DERA: variants seen among roughly 807,000 people sequenced by gnomAD.
DERA encodes the protein 2-deoxy-D-ribose 5-phosphate aldolase.
DERA carries 15 observed loss-of-function variants against 41.1 expected under a neutral mutation model. That is an observed-to-expected ratio of 0.37 (90% CI 0.24 to 0.56). The LOEUF is 0.56. Among genes scored for constraint, DERA ranks in the 20% least tolerant of loss-of-function variants. The pLI is 0.81. For missense variants in DERA, 396 were observed against 403.4 expected (o/e 0.98, Z 0.16); for synonymous variants, 139 against 137.4 (o/e 1.01, Z -0.08).
At chr12:15,920,706 G>A (rs1393805320) in intron 1 of DERA, among the ~76,000 whole-genome samples, 3 of 152,198 alleles carry the variant, frequency 2.0e-5, no homozygotes, top group Admixed American at 6.5e-5. Context: ...GGTGGCACAT[G>A]CCTGTAACAG....
In DERA at chr12:15,962,853, A is replaced by T; in HGVS notation, c.414A>T (p.Thr138=). 6.4e-7 allele frequency: 1 copy of T among 1,563,288 alleles called. No individual in the cohort carries two copies. Residue 138 remains threonine (T), a synonymous_variant, in exon 5 of 9, where the codon ACA becomes ACT. Coordinates refer to ENST00000428559, the MANE Select transcript of DERA (RefSeq NM_015954.4). ...CAGCTGGACAGACTCATTTGAAGAC[A>T]CGATTAGAAGAGATCAGATTGGCTG... ...GFPAGQTHLK[T]RLEEIRLAVE...
chr12:15,962,123 A>T (rs988748652), intron 4 of DERA, among the ~76,000 whole-genome samples: 4 of 152,186 alleles, frequency 2.6e-5, no homozygotes, highest in African/African-American at 9.7e-5. Flanking sequence ...CATGTAAAAG[A>T]TGTTACTATT....
At chr12:15,948,221 C>G (rs962963316) in intron 1 of DERA, among the ~76,000 whole-genome samples, 1 of 152,132 alleles carries the variant, frequency 6.6e-6, no homozygotes, top group East Asian at 1.9e-4. Context: ...GTGGCGTTCT[C>G]TGTATTTCCT....
rs1403225082 is a variant in DERA, at chr12:16,032,573, A to G, written c.669A>G (p.Lys223=). ...ATTTTATTAAGACCTCTACTGGAAA[A>G]GAAACAGTAAATGCCACCTTCCCGG... The part of the protein sequence containing the change: ...GSDFIKTSTG[K]ETVNATFPVA... Residue 223 remains lysine, a synonymous_variant, in exon 7 of 9, where the codon AAA becomes AAG. Coordinates refer to ENST00000428559, the MANE Select transcript of DERA (RefSeq NM_015954.4). The G allele has an allele frequency of 2.6e-6, 4 of 1,558,974 alleles. No homozygotes were observed. The highest frequency in any genetic ancestry group is 2.3e-5 in the East Asian group (1 of 42,580).
At chr12:15,944,432 G>C (rs968611077) in intron 1 of DERA, among the ~76,000 whole-genome samples, 13 of 152,162 alleles carry the variant, frequency 8.5e-5, no homozygotes, top group African/African-American at 2.4e-4. Context: ...TAACTGGTGT[G>C]AGATGGTATC....
chr12:15,977,836 A>G (rs1424909199), intron 5 of DERA, among the ~76,000 whole-genome samples: 1 of 152,204 alleles, frequency 6.6e-6, no homozygotes, highest in East Asian at 1.9e-4. Flanking sequence ...GCGTGTGGAG[A>G]ACACTGAGCA....
intron 1 of DERA, among the ~76,000 whole-genome samples, chr12:15,923,245 A>G (rs967206841): frequency 2.3e-4 from 35 of 150,952 alleles, no homozygotes; most frequent in Non-Finnish European, 4.6e-4. Flanking sequence ...GATGGTCTCG[A>G]TCTCCTGACC....
intron 5 of DERA, among the ~76,000 whole-genome samples, chr12:15,973,166 A>G (rs181888196): frequency 2.4e-4 from 37 of 152,254 alleles, no homozygotes; most frequent in African/African-American, 8.7e-4. Flanking sequence ...CGGGGAGACA[A>G]ACGGGAGACA....
chr12:15,952,339 G>A (rs1000445632), intron 1 of DERA, among the ~76,000 whole-genome samples: 3 of 152,174 alleles, frequency 2.0e-5, no homozygotes, highest in African/African-American at 7.2e-5. Context: ...GCAAACTTAT[G>A]TACGTATTTC....
chr12:15,984,208 C>G lies in DERA; in HGVS notation c.637+1772C>G, dbSNP rs1948750098. Among the ~76,000 whole-genome samples the G allele has an allele frequency of 6.6e-6, 1 of 152,162 alleles. No individual in the cohort carries two copies. Among genetic ancestry groups the G allele is most frequent in the Admixed American group, 6.5e-5 (1 of 15,282 alleles). Reference sequence around the variant, plus strand: ...AATCTTGTGATACCTGTTACCCCAGCTGTTATCCTGGTCACAATGAAAGTG... The same window carrying G: ...AATCTTGTGATACCTGTTACCCCAGGTGTTATCCTGGTCACAATGAAAGTG... On this transcript the variant is annotated intron_variant, in intron 6 of 8. Transcript: ENST00000428559. The surrounding 1 kb of genome is among the most constrained non-coding windows in gnomAD (Gnocchi z 4.5).
At chr12:15,986,577 C>A (rs1260559313) in intron 6 of DERA, among the ~76,000 whole-genome samples, 1 of 152,132 alleles carries the variant, frequency 6.6e-6, no homozygotes. Context: ...ATACATGTCA[C>A]AAATGGAAGA....
Position 15,935,084 on chromosome 12 carries a change from A to G in DERA, c.32-21852A>G, listed in dbSNP as rs1357019054. ...AGGAGAGTTTGGAAAAACAATTGACAGACATCAAGTTAAGGTTTTTGAAAA... is the reference window on the plus strand; with the variant it reads ...AGGAGAGTTTGGAAAAACAATTGACGGACATCAAGTTAAGGTTTTTGAAAA... On this transcript the variant is annotated intron_variant, in intron 1 of 8. Coordinates refer to ENST00000428559, the MANE Select transcript of DERA (RefSeq NM_015954.4). This position sits in a 1 kb window ranked among gnomAD's most constrained non-coding sequence, Gnocchi z 4.8. 2.0e-5 allele frequency among the ~76,000 whole-genome samples: 3 copies of G among 152,234 alleles called. No individual in the cohort carries two copies. The highest frequency in any genetic ancestry group is 4.8e-5 in the African/African-American group (2 of 41,456).
At position 15,984,697 on chromosome 12, in the gene DERA, C is replaced by T. The variant is rs536770358; in HGVS notation, c.637+2261C>T. Among the ~76,000 whole-genome samples the T allele has an allele frequency of 6.6e-6, 1 of 152,106 alleles. No homozygotes were observed. Among genetic ancestry groups the T allele is most frequent in the South Asian group, 2.1e-4 (1 of 4,818 alleles). On this transcript the variant is annotated intron_variant, in intron 6 of 8. Coordinates refer to ENST00000428559, the MANE Select transcript of DERA (RefSeq NM_015954.4). The surrounding 1 kb of genome is among the most constrained non-coding windows in gnomAD (Gnocchi z 4.5). ...ACATGGCTATTTCCCAAGGCACACA[C>T]TAGATTTTATCATGAATGAAAGACA...
At chr12:16,031,010 T>G (rs1239093937) in intron 6 of DERA, among the ~76,000 whole-genome samples, 1 of 152,258 alleles carries the variant, frequency 6.6e-6, no homozygotes, top group Non-Finnish European at 1.5e-5. Context: ...CTTGCTTCAT[T>G]TCTCTTTGTA....
intron 1 of DERA, among the ~76,000 whole-genome samples, chr12:15,952,908 G>A (rs1042124687): frequency 2.6e-5 from 4 of 152,160 alleles, no homozygotes; most frequent in African/African-American, 9.7e-5. Context: ...CAGTGCTTCC[G>A]GTTTATTTTT....
rs1042125150 is a variant in DERA, at chr12:15,965,666, A to T, written c.508+2719A>T. Among the ~76,000 whole-genome samples the T allele has an allele frequency of 5.3e-5, 8 of 152,192 alleles. No individual in the cohort carries two copies. The highest frequency in any genetic ancestry group is 1.9e-4 in the African/African-American group (8 of 41,524). On this transcript the variant is annotated intron_variant, in intron 5 of 8. Transcript: ENST00000428559. The surrounding 1 kb of genome is among the most constrained non-coding windows in gnomAD (Gnocchi z 4.1). ...ATTCCTCTCTGGGTTCTCCTTAGTG[A>T]CCATTTAAAATGTCCACTTTCCTGA...
chr12:15,960,010 T>C, intron 4 of DERA, 86 bp downstream of exon 4: 1 of 956,010 alleles, frequency 1.0e-6, no homozygotes, highest in Admixed American at 2.6e-5. Flanking sequence ...AGGTTTGTAC[T>C]ATGATTTAAA....
chr12:15,982,492 A>G lies in DERA; in HGVS notation c.637+56A>G, dbSNP rs7978593. On this transcript the variant is annotated intron_variant, in intron 6 of 8. Transcript: ENST00000428559. The surrounding 1 kb of genome is among the most constrained non-coding windows in gnomAD (Gnocchi z 4.0). Reference sequence around the variant, plus strand: ...TATTGAATTGATGTTTTTAGGAGAAATTAAGTAAGTGAAAGCATTTAGCTA... The same window carrying G: ...TATTGAATTGATGTTTTTAGGAGAAGTTAAGTAAGTGAAAGCATTTAGCTA... The G allele has an allele frequency of 1.5e-3, 2,207 of 1,507,434 alleles. 31 individuals carry two copies. In the African/African-American group the frequency reaches 0.028, roughly 19 times the overall value. 93.4% of individuals were successfully genotyped at this position (1,507,434 alleles called of 1,614,324 possible).
At chr12:16,002,663 T>G (rs187884845) in intron 6 of DERA, among the ~76,000 whole-genome samples, 6 of 152,172 alleles carry the variant, frequency 3.9e-5, no homozygotes, top group African/African-American at 1.2e-4. Flanking sequence ...CATTACTAAT[T>G]AGAGTCCCAT....
Sources: gnomAD v4.1 joint callset for allele counts (sites outside exome capture counted in the v4.1 genomes callset) on GRCh38, gnomAD v4.1.1 for gene constraint, Gnocchi (gnomAD v3.1) non-coding constraint, MANE v1.5 for transcripts, NCBI Gene and HGNC (gene_info 2026-07-23, HGNC 2026-07-21) for gene names.